Variants in NFIB observed in about 807,000 individuals in gnomAD.
NFIB encodes the protein nuclear factor 1 B-type.
Under a neutral mutation model 61.5 loss-of-function variants are expected in NFIB, and 11 were observed. That is an observed-to-expected ratio of 0.18 (90% confidence interval 0.11 to 0.30). The LOEUF (loss-of-function observed/expected upper bound fraction) is 0.30. NFIB is among the 10% of genes least tolerant of loss of function. The pLI, the probability that NFIB is intolerant of heterozygous loss-of-function variation, is 1.00. For synonymous variants in NFIB, 260 were observed against 216.5 expected (o/e 1.20, Z -1.76); for missense variants, 471 against 608.9 (o/e 0.77, Z 2.38).
At chr9:14,284,450 G>C (rs1310959431) in intron 2 of NFIB, among the ~76,000 whole-genome samples, 1 of 152,084 alleles carries the variant, frequency 6.6e-6, no homozygotes, top group Admixed American at 6.5e-5. Flanking sequence ...AATAAGGGGT[G>C]GCGGAATTTT....
At chr9:14,325,550 T>C (rs1356366366) in intron 1 of NFIB, among the ~76,000 whole-genome samples, 2 of 152,318 alleles carry the variant, frequency 1.3e-5, no homozygotes, top group East Asian at 3.9e-4. Flanking sequence ...AAGTAATTCC[T>C]CTACCCCATC....
intron 1 of NFIB, among the ~76,000 whole-genome samples, chr9:14,393,444 T>C (rs1243404404): frequency 6.6e-6 from 1 of 152,154 alleles, no homozygotes; most frequent in Non-Finnish European, 1.5e-5. Flanking sequence ...TCTGAGTGCT[T>C]TGAGTACTGG....
At chr9:14,523,027 G>A in the NFIB span, among the ~76,000 whole-genome samples, 9 of 152,124 alleles carry the variant, frequency 5.9e-5, no homozygotes, top group Non-Finnish European at 8.8e-5. Context: ...AAATAAGCAT[G>A]AGAGAGTTGA....
chr9:14,161,929 T>A (rs2044248094), intron 3 of NFIB, among the ~76,000 whole-genome samples: 1 of 152,166 alleles, frequency 6.6e-6, no homozygotes, highest in Admixed American at 6.6e-5. Context: ...CATCTCACAA[T>A]CCTGCTGCCA....
rs1422574516 is a variant in NFIB at position 14,322,383 on chromosome 9, G to C, written c.109-14863C>G. On this transcript the variant is annotated intron_variant, in intron 1 of 8. Transcript: ENST00000380934. ...TTGTTGTTTTAGCGGGGCTGCTCCA[G>C]GAGTGGGGCTGCGCCGGTCAGATGC... 2.1e-5 allele frequency: 5 copies of C among 237,668 alleles called. No homozygotes were observed. The East Asian group carries it at 3.0e-4, about 14-fold the overall frequency. 14.7% of individuals were successfully genotyped at this position (237,668 alleles called of 1,614,324 possible).
chr9:14,133,814 T>A (rs184672464), intron 6 of NFIB, among the ~76,000 whole-genome samples: 97 of 152,306 alleles, frequency 6.4e-4, no homozygotes, highest in African/African-American at 2.3e-3. Flanking sequence ...CTTTGAGGTA[T>A]TTATTTCTAA....
chr9:14,392,799 G>A (rs536579852), intron 1 of NFIB, among the ~76,000 whole-genome samples: 19 of 152,090 alleles, frequency 1.2e-4, no homozygotes, highest in Admixed American at 2.0e-4. Flanking sequence ...AACTTAAAGC[G>A]TTTAGCACAG....
At chr9:14,119,593 G>T (rs2119138568) in intron 8 of NFIB, among the ~76,000 whole-genome samples, 1 of 152,270 alleles carries the variant, frequency 6.6e-6, no homozygotes, top group South Asian at 2.1e-4. Flanking sequence ...CGGAATGTTT[G>T]TGAAAATTCT....
chr9:14,202,860 G>T (rs894903967), intron 2 of NFIB, among the ~76,000 whole-genome samples: 2 of 152,088 alleles, frequency 1.3e-5, no homozygotes, highest in Admixed American at 6.6e-5. Context: ...CATTTTTTAG[G>T]TTAGCTGAAA....
At chr9:14,142,889 G>T (rs2041908171) in intron 6 of NFIB, among the ~76,000 whole-genome samples, 1 of 152,014 alleles carries the variant, frequency 6.6e-6, no homozygotes, top group Non-Finnish European at 1.5e-5. Flanking sequence ...TGAAACATAG[G>T]AAAGAAATAT....
chr9:14,494,701 A>C, the NFIB span, among the ~76,000 whole-genome samples: 1 of 152,208 alleles, frequency 6.6e-6, no homozygotes, highest in East Asian at 1.9e-4. Flanking sequence ...GTGATTTTAC[A>C]TCAGCAAATG....
At chr9:14,379,839 C>T (rs893515301) in intron 1 of NFIB, among the ~76,000 whole-genome samples, 5 of 152,074 alleles carry the variant, frequency 3.3e-5, no homozygotes, top group African/African-American at 1.2e-4. Context: ...CCTGCCACCA[C>T]ACCCAGCTAG....
chr9:14,521,981 C>G, the NFIB span, among the ~76,000 whole-genome samples: 2 of 152,138 alleles, frequency 1.3e-5, no homozygotes, highest in African/African-American at 4.8e-5. Context: ...TAGGAGAAAG[C>G]CAATCTGGCA....
chr9:14,292,856 T>A (rs2059191219), intron 2 of NFIB, among the ~76,000 whole-genome samples: 1 of 152,228 alleles, frequency 6.6e-6, no homozygotes, highest in African/African-American at 2.4e-5. Flanking sequence ...CATTTCAAAG[T>A]ACATTAAGTA....
intron 8 of NFIB, among the ~76,000 whole-genome samples, chr9:14,117,430 G>A (rs938063820): frequency 3.3e-5 from 5 of 152,144 alleles, no homozygotes; most frequent in South Asian, 2.1e-4. Flanking sequence ...GGTGTTCATC[G>A]CAATTTGCTG....
upstream of NFIB, among the ~76,000 whole-genome samples, chr9:14,318,505 CTTTT>C (rs34481505): frequency 7.5e-5 from 5 of 66,840 alleles, no homozygotes; most frequent in African/African-American, 1.3e-4. Context: ...CACTCGATGC[CTTTT>C]TTTTTTTTTT....
In NFIB at chr9:14,082,019, G is replaced by C. The variant is rs900993927; in HGVS notation, c.*6290C>G. The stretch of plus-strand genomic sequence containing the variant: ...CCAGTTTAAAACTTGTGGCAATTGA[G>C]TTCATTTGCAACCCACAAAAAGTAC... On this transcript the variant is annotated 3_prime_UTR_variant, in exon 11 of 11. Transcript: ENST00000380953. 4 of 212,202 alleles carry C rather than the reference G, an allele frequency of 1.9e-5. No homozygotes were observed. The highest frequency in any genetic ancestry group is 3.8e-5 in the Non-Finnish European group (4 of 104,428). 13.1% of individuals were successfully genotyped at this position (212,202 alleles called of 1,614,324 possible). A position where few individuals can be genotyped will look rare whatever the true frequency, so the allele number is the denominator to read the frequency against.
At chr9:14,451,312 A>G in the NFIB span, among the ~76,000 whole-genome samples, 5 of 152,212 alleles carry the variant, frequency 3.3e-5, no homozygotes, top group African/African-American at 1.2e-4. Context: ...TGTATACCTG[A>G]TATTTCACAG....
chr9:14,338,401 AAAAAG>A (rs1448104823), intron 1 of NFIB, among the ~76,000 whole-genome samples: 14 of 149,402 alleles, frequency 9.4e-5, no homozygotes, highest in African/African-American at 2.7e-4. Flanking sequence ...CTCAAAAAAA[AAAAAG>A]AAAAGAAAAG....
Sources: gnomAD v4.1 joint callset for allele counts (sites outside exome capture counted in the v4.1 genomes callset) on GRCh38, gnomAD v4.1.1 for gene constraint, MANE v1.5 for transcripts, NCBI Gene and HGNC (gene_info 2026-07-23, HGNC 2026-07-21) for gene names.